Variants in NALF1 observed in about 807,000 individuals in gnomAD.
NALF1 encodes the protein family with sequence similarity 155 member A.
In NALF1, 3 loss-of-function variants were observed where a neutral mutation model predicts 48.4. The ratio of observed to expected loss-of-function variants is 0.06; its 90% confidence interval spans 0.03 to 0.16. NALF1 has a LOEUF of 0.16. NALF1 is among the 10% of genes least tolerant of loss of function. The pLI is 1.00. For missense variants in NALF1, 526 were observed against 571.5 expected (o/e 0.92, Z 0.81); for synonymous variants, 262 against 245.7 (o/e 1.07, Z -0.62).
At chr13:107,643,760 A>G (rs1880229164) in intron 1 of NALF1, among the ~76,000 whole-genome samples, 1 of 152,162 alleles carries the variant, frequency 6.6e-6, no homozygotes, top group African/African-American at 2.4e-5. Flanking sequence ...CAGAGGAAGT[A>G]GTACCATGCC....
chr13:107,559,857 G>A (rs1877593710), intron 1 of NALF1, among the ~76,000 whole-genome samples: 1 of 152,038 alleles, frequency 6.6e-6, no homozygotes, highest in Admixed American at 6.5e-5. Context: ...TTTATCCTAG[G>A]AAAAAGATAA....
chr13:107,387,621 C>T (rs192035536), intron 1 of NALF1, among the ~76,000 whole-genome samples: 46 of 152,188 alleles, frequency 3.0e-4, no homozygotes, highest in Middle Eastern at 3.4e-3. Flanking sequence ...ACTTCTGATC[C>T]GAGATGAGAG....
chr13:107,528,414 G>A lies in NALF1; in HGVS notation c.916-317659C>T, dbSNP rs184994048. The stretch of plus-strand genomic sequence containing the variant: ...CTTGTAACCTTTAATGGATTCATAC[G>A]TTCTTTTAGATTAAAACATGTCCCT... On this transcript the variant is annotated intron_variant, in intron 1 of 2. Coordinates refer to ENST00000375915, the MANE Select transcript of NALF1 (RefSeq NM_001080396.3). 2.5e-4 allele frequency among the ~76,000 whole-genome samples: 38 copies of A among 152,170 alleles called. 1 individual carries two copies. In the South Asian group the frequency reaches 6.8e-3, roughly 27 times the overall value.
intron 2 of NALF1, among the ~76,000 whole-genome samples, chr13:107,189,098 G>A (rs1879232916): frequency 6.6e-6 from 1 of 152,172 alleles, no homozygotes; most frequent in Admixed American, 6.5e-5. Flanking sequence ...GTTAAACAGA[G>A]AATTTACTCA....
chr13:107,693,463 A>C (rs754660896), intron 1 of NALF1, among the ~76,000 whole-genome samples: 1 of 152,156 alleles, frequency 6.6e-6, no homozygotes. Flanking sequence ...CTAGAACTTA[A>C]AGTATAATAA....
At chr13:107,369,550 A>G (rs1287871228) in intron 1 of NALF1, among the ~76,000 whole-genome samples, 1 of 152,156 alleles carries the variant, frequency 6.6e-6, no homozygotes, top group Non-Finnish European at 1.5e-5. Context: ...AGATTAATGA[A>G]ATAATAAATT....
At chr13:107,469,723 A>G (rs977501914) in intron 1 of NALF1, among the ~76,000 whole-genome samples, 2 of 143,732 alleles carry the variant, frequency 1.4e-5, no homozygotes, top group Admixed American at 1.4e-4. Context: ...GCGATGAGTC[A>G]ACTGTGTATC....
chr13:107,321,589 T>C (rs988343280), intron 1 of NALF1, among the ~76,000 whole-genome samples: 6 of 152,132 alleles, frequency 3.9e-5, no homozygotes, highest in Non-Finnish European at 5.9e-5. Flanking sequence ...TTCAGATCTC[T>C]ACATGGTAAA....
At chr13:107,422,185 C>G (rs886753843) in intron 1 of NALF1, among the ~76,000 whole-genome samples, 10 of 152,092 alleles carry the variant, frequency 6.6e-5, no homozygotes, top group African/African-American at 2.4e-4. Flanking sequence ...CTGTGCTGGG[C>G]ATCGTAGCAA....
At chr13:107,260,778 G>A (rs1880914224) in intron 1 of NALF1, among the ~76,000 whole-genome samples, 1 of 152,156 alleles carries the variant, frequency 6.6e-6, no homozygotes, top group Non-Finnish European at 1.5e-5. Context: ...AGCAGTGTGT[G>A]GCTAGCTCTG....
chr13:107,714,636 A>AAAAAAAAAAAAAACG (rs1174305261), intron 1 of NALF1, among the ~76,000 whole-genome samples: 14 of 151,514 alleles, frequency 9.2e-5, no homozygotes, highest in African/African-American at 3.4e-4. Flanking sequence ...TAAAAAAAAA[A>AAAAAAAAAAAAAACG]AAAGAAAGAT....
chr13:107,548,140 G>A (rs946678526), intron 1 of NALF1, among the ~76,000 whole-genome samples: 4 of 151,860 alleles, frequency 2.6e-5, no homozygotes, highest in Admixed American at 2.0e-4. Flanking sequence ...CTCCATCCTC[G>A]AGTAGCCCCC....
At chr13:107,755,876 T>G (rs1332962753) in intron 1 of NALF1, among the ~76,000 whole-genome samples, 2 of 152,170 alleles carry the variant, frequency 1.3e-5, no homozygotes, top group African/African-American at 4.8e-5. Flanking sequence ...CAAGCTTATT[T>G]GCCCTCATAT....
chr13:107,309,589 C>T (rs899345893), intron 1 of NALF1, among the ~76,000 whole-genome samples: 3 of 152,156 alleles, frequency 2.0e-5, no homozygotes, highest in Non-Finnish European at 4.4e-5. Flanking sequence ...GGAACAGGTG[C>T]AAGGAAGGTC....
intron 1 of NALF1, among the ~76,000 whole-genome samples, chr13:107,366,556 T>G (rs1490922320): frequency 6.6e-6 from 1 of 152,346 alleles, no homozygotes; most frequent in East Asian, 1.9e-4. Context: ...TCCATTTATT[T>G]TATTCCTTCC....
intron 1 of NALF1, among the ~76,000 whole-genome samples, chr13:107,818,808 C>G (rs980502712): frequency 7.9e-6 from 1 of 127,004 alleles, no homozygotes; most frequent in Non-Finnish European, 1.6e-5. Context: ...GGAGGCGGAG[C>G]TTGCAGTGAG....
intron 1 of NALF1, among the ~76,000 whole-genome samples, chr13:107,723,027 T>C (rs1303718566): frequency 6.6e-6 from 1 of 152,232 alleles, no homozygotes; most frequent in African/African-American, 2.4e-5. Context: ...TGAAAAAATA[T>C]CTTAAAAGCC....
intron 1 of NALF1, among the ~76,000 whole-genome samples, chr13:107,709,265 A>G (rs1219536486): frequency 2.2e-4 from 33 of 152,252 alleles, no homozygotes; most frequent in Non-Finnish European, 1.5e-4. Flanking sequence ...TGTGTGTATT[A>G]TAACAAAAAA....
intron 1 of NALF1, among the ~76,000 whole-genome samples, chr13:107,267,326 A>G (rs972958281): frequency 2.0e-5 from 3 of 152,212 alleles, no homozygotes; most frequent in Admixed American, 6.5e-5. Context: ...AAAGTGATGT[A>G]AGAAGTACAA....
Sources: gnomAD v4.1 joint callset for allele counts (sites outside exome capture counted in the v4.1 genomes callset) on GRCh38, gnomAD v4.1.1 for gene constraint, MANE v1.5 for transcripts, NCBI Gene and HGNC (gene_info 2026-07-23, HGNC 2026-07-21) for gene names.